Variants in MYO1E observed in about 807,000 individuals in gnomAD.
MYO1E encodes the protein unconventional myosin-Ie.
In MYO1E, 68 loss-of-function variants were observed where a neutral mutation model predicts 151.1. The observed-to-expected ratio is 0.45, with a 90% confidence interval of 0.37 to 0.55. The LOEUF (loss-of-function observed/expected upper bound fraction) is 0.55, where lower values mean the gene tolerates loss of function less well. MYO1E is among the 20% of genes least tolerant of loss of function. The pLI is 0.00. For missense variants in MYO1E, 1,363 were observed against 1,389.3 expected (o/e 0.98, Z 0.30); for synonymous variants, 601 against 501.7 (o/e 1.20, Z -2.64).
At chr15:59,314,232 C>T (rs1427547205) in intron 1 of MYO1E, among the ~76,000 whole-genome samples, 1 of 152,174 alleles carries the variant, frequency 6.6e-6, no homozygotes. Flanking sequence ...CCTAGTTTCC[C>T]CATCCCCTGA....
intron 1 of MYO1E, among the ~76,000 whole-genome samples, chr15:59,331,873 T>C (rs920659260): frequency 9.2e-5 from 14 of 152,246 alleles, no homozygotes; most frequent in Non-Finnish European, 1.8e-4. Context: ...TGGTTTGATT[T>C]CACTGCATGC....
At chr15:59,353,662 C>T (rs767716267) in intron 1 of MYO1E, among the ~76,000 whole-genome samples, 9 of 150,450 alleles carry the variant, frequency 6.0e-5, no homozygotes, top group African/African-American at 2.2e-4. Flanking sequence ...AAGGCTGAGG[C>T]AGAAGAATCA....
chr15:59,200,277 C>T (rs1194406494), intron 16 of MYO1E, among the ~76,000 whole-genome samples: 1 of 152,152 alleles, frequency 6.6e-6, no homozygotes, highest in Admixed American at 6.5e-5. Context: ...ACTCGATTTT[C>T]CAGCCCAGAG....
At chr15:59,208,101 A>G (rs1321467500) in intron 14 of MYO1E, 4 of 1,545,512 alleles carry the variant, frequency 2.6e-6, no homozygotes, top group African/African-American at 2.8e-5. Flanking sequence ...GCCTAAAACT[A>G]CCATTCCGAA....
rs71119441 is a variant in MYO1E, at chr15:59,209,815, C to CTTT, written c.1362+696_1362+698dup. On this transcript the variant is annotated intron_variant, in intron 13 of 27. Transcript: ENST00000288235. Reference sequence around the variant, plus strand: ...CTGTATCACTTTTATTTTGAATCACCTTTTTTTTTTTTTTTTTTTTTTTTT... The same window carrying CTTT: ...CTGTATCACTTTTATTTTGAATCACCTTTTTTTTTTTTTTTTTTTTTTTTTTTT... Among the ~76,000 whole-genome samples, 163 of 49,842 alleles carry CTTT rather than the reference C, an allele frequency of 3.3e-3. 29 individuals carry two copies. The highest frequency in any genetic ancestry group is 0.013 in the African/African-American group (129 of 9,958). 32.7% of individuals were successfully genotyped at this position (49,842 alleles called of 152,430 possible). A position where few individuals can be genotyped will look rare whatever the true frequency, so the allele number is the denominator to read the frequency against.
chr15:59,264,888 TTGGTTGGTACG>T (rs1251330022), intron 2 of MYO1E: 1 of 152,114 alleles, frequency 6.6e-6, no homozygotes, highest in African/African-American at 2.4e-5. Flanking sequence ...GCCAAGCATG[TTGGTTGGTACG>T]TGCCTGTAGT....
chr15:59,207,773 A>T, intron 14 of MYO1E: 1 of 1,614,218 alleles, frequency 6.2e-7, no homozygotes, highest in Non-Finnish European at 8.5e-7. Context: ...CAATGGAAAA[A>T]TGTCCACAAA....
chr15:59,360,092 T>G (rs1032938925), intron 1 of MYO1E, among the ~76,000 whole-genome samples: 1 of 152,150 alleles, frequency 6.6e-6, no homozygotes, highest in Non-Finnish European at 1.5e-5. Flanking sequence ...ACGGCTGAAG[T>G]TGAGGGATTT....
At chr15:59,315,557 A>AG (rs2080583158) in intron 1 of MYO1E, among the ~76,000 whole-genome samples, 1 of 152,040 alleles carries the variant, frequency 6.6e-6, no homozygotes, top group Non-Finnish European at 1.5e-5. Context: ...ATTAAAAAAA[A>AG]AAAAAAAAAG....
intron 26 of MYO1E, among the ~76,000 whole-genome samples, chr15:59,145,798 A>G (rs1175627182): frequency 1.3e-5 from 2 of 152,158 alleles, no homozygotes; most frequent in African/African-American, 4.8e-5. Context: ...CCAACTCCGC[A>G]CTCAGTAGTA....
intron 4 of MYO1E, among the ~76,000 whole-genome samples, chr15:59,247,415 A>G (rs2080136850): frequency 6.6e-6 from 1 of 152,254 alleles, no homozygotes; most frequent in East Asian, 1.9e-4. Context: ...GTTTGAAGTC[A>G]GACAGGGCTA....
chr15:59,259,567 T>A lies in MYO1E; in HGVS notation c.237+1853A>T, dbSNP rs375362825. Reference sequence around the variant, plus strand: ...CTGGTCTCAAGTGCACAAACAACATTAATGACTCTTTGAAAATGAGAAAGT... The same window carrying A: ...CTGGTCTCAAGTGCACAAACAACATAAATGACTCTTTGAAAATGAGAAAGT... On this transcript the variant is annotated intron_variant, in intron 3 of 27. Coordinates refer to ENST00000288235, the MANE Select transcript of MYO1E (RefSeq NM_004998.4). Among the ~76,000 whole-genome samples the A allele has an allele frequency of 9.9e-5, 15 of 152,262 alleles. No homozygotes were observed. The South Asian group carries it at 2.9e-3, about 29-fold the overall frequency.
At chr15:59,368,308 A>G (rs2080925829) in intron 1 of MYO1E, among the ~76,000 whole-genome samples, 1 of 152,208 alleles carries the variant, frequency 6.6e-6, no homozygotes, top group African/African-American at 2.4e-5. Flanking sequence ...CCACCAAATT[A>G]TAAGACATTT....
At chr15:59,226,105 C>T (rs1337212613) in intron 7 of MYO1E, among the ~76,000 whole-genome samples, 1 of 152,178 alleles carries the variant, frequency 6.6e-6, no homozygotes, top group Non-Finnish European at 1.5e-5. Flanking sequence ...TTCCATCTAG[C>T]ACTGGGTATT....
intron 25 of MYO1E, among the ~76,000 whole-genome samples, chr15:59,155,554 T>TGTG (rs749386184): frequency 4.6e-5 from 7 of 152,154 alleles, no homozygotes; most frequent in Non-Finnish European, 8.8e-5. Flanking sequence ...TCGGAAACTT[T>TGTG]GTGGCCTGAT....
intron 12 of MYO1E, 92 bp from the exon 13 acceptor site, chr15:59,210,692 G>T: frequency 1.2e-6 from 1 of 862,134 alleles, no homozygotes; most frequent in Non-Finnish European, 2.0e-6. Flanking sequence ...TCCCATAAAA[G>T]AGAAAAACCT....
In MYO1E at chr15:59,201,676, T is replaced by C. The variant is rs535086283; in HGVS notation, c.1698+650A>G. On this transcript the variant is annotated intron_variant, in intron 16 of 27. Coordinates refer to ENST00000288235, the MANE Select transcript of MYO1E (RefSeq NM_004998.4). Reference sequence around the variant, plus strand: ...GCCTCAGCCTCCCAAAGTGCTGGGATTACAGGCGTGAGCCACCGCACCCAG... The same window carrying C: ...GCCTCAGCCTCCCAAAGTGCTGGGACTACAGGCGTGAGCCACCGCACCCAG... 7.6e-4 allele frequency among the ~76,000 whole-genome samples: 116 copies of C among 152,286 alleles called. No individual in the cohort carries two copies. The Middle Eastern group carries it at 0.01, about 13-fold the overall frequency.
At position 59,173,967 on chromosome 15, in the gene MYO1E, G is replaced by C. The variant is rs778108481; in HGVS notation, c.2165-52C>G. 3.3e-5 allele frequency: 53 copies of C among 1,590,016 alleles called. 2 individuals are homozygous for C. The East Asian group carries it at 1.1e-3, about 34-fold the overall frequency. On this transcript the variant is annotated intron_variant, in intron 20 of 27. Coordinates refer to ENST00000288235, the MANE Select transcript of MYO1E (RefSeq NM_004998.4). The stretch of plus-strand genomic sequence containing the variant: ...GAAGAAGGATAAGTCAGTCAGAAAA[G>C]GGAGGAAAATACTGTGGAAATATAC...
chr15:59,220,184 C>T (rs548033941), intron 9 of MYO1E, among the ~76,000 whole-genome samples: 1 of 152,378 alleles, frequency 6.6e-6, no homozygotes, highest in South Asian at 2.1e-4. Flanking sequence ...TGTGGTGGCT[C>T]ACGCCTCTAA....
Sources: allele counts gnomAD v4.1 joint callset (sites outside exome capture counted in the v4.1 genomes callset), GRCh38; gene constraint gnomAD v4.1.1; transcripts MANE v1.5; gene names NCBI Gene and HGNC (gene_info 2026-07-23, HGNC 2026-07-21).